Variants in CGNL1 observed in about 807,000 individuals in gnomAD.
CGNL1 encodes cingulin-like protein 1.
CGNL1 carries 132 observed loss-of-function variants against 141.2 expected under a neutral mutation model. The ratio of observed to expected loss-of-function variants is 0.93; its 90% CI spans 0.81 to 1.08. The LOEUF is 1.08. CGNL1 is among the 50% of genes least tolerant of loss of function. CGNL1 has a pLI of 0.00. For missense variants in CGNL1, 1,870 were observed against 1,588.6 expected, an observed-to-expected ratio of 1.18 and a Z score of -3.01; for synonymous variants, 690 against 622.1, an observed-to-expected ratio of 1.11 and a Z score of -1.63.
intron 8 of CGNL1, among the ~76,000 whole-genome samples, chr15:57,497,210 A>G (rs1361328411): frequency 1.2e-4 from 19 of 152,210 alleles, no homozygotes. Context: ...CACCAGTGAC[A>G]GCGTTGGTCC....
At position 57,383,929 on chromosome 15, in the gene CGNL1, G is replaced by A. The variant is rs930512723; in HGVS notation, c.-16+7362G>A. ...GCTGAGATTACAGGCGTGAGCCACC[G>A]TGCCCAGCCCAAACTTAAGATTTCT... On this transcript the variant is annotated intron_variant, in intron 1 of 18. Coordinates refer to ENST00000281282, the MANE Select transcript of CGNL1 (RefSeq NM_032866.5). Among the ~76,000 whole-genome samples the A allele has an allele frequency of 3.3e-5, 5 of 152,152 alleles. No individual in the cohort carries two copies. In the East Asian group the frequency reaches 5.8e-4, roughly 18 times the overall value.
At chr15:57,469,527 T>G (rs2063553274) in intron 8 of CGNL1, among the ~76,000 whole-genome samples, 2 of 151,924 alleles carry the variant, frequency 1.3e-5, no homozygotes, top group South Asian at 2.1e-4. Context: ...TTCATTTGAC[T>G]TAGTTAACAG....
At chr15:57,436,775 T>G (rs1366664615) in intron 1 of CGNL1, among the ~76,000 whole-genome samples, 1 of 152,064 alleles carries the variant, frequency 6.6e-6, no homozygotes, top group Non-Finnish European at 1.5e-5. Context: ...AGCTAGTTCT[T>G]TAGGGAAACA....
chr15:57,461,961 C>T (rs2063453301), intron 8 of CGNL1, 69 bp downstream of exon 8: 1 of 1,112,804 alleles, frequency 9.0e-7, no homozygotes, highest in Non-Finnish European at 1.4e-6. Flanking sequence ...TCCCACACCA[C>T]TGCAAATCCC....
At chr15:57,424,170 C>G (rs531877722) in intron 1 of CGNL1, among the ~76,000 whole-genome samples, 25 of 152,368 alleles carry the variant, frequency 1.6e-4, no homozygotes, top group African/African-American at 5.0e-4. Context: ...TGCCTTCCCA[C>G]TGATTCTTCG....
At chr15:57,393,996 A>G (rs2062571842) in intron 1 of CGNL1, 1 of 143,218 alleles carries the variant, frequency 7.0e-6, no homozygotes, top group Non-Finnish European at 1.5e-5. Context: ...TGGCACGATC[A>G]TGGTTCACTG....
At chr15:57,512,120 A>C (rs186028223) in intron 8 of CGNL1, among the ~76,000 whole-genome samples, 194 of 152,294 alleles carry the variant, frequency 1.3e-3, no homozygotes, top group African/African-American at 4.5e-3. Context: ...CATGAGACAC[A>C]AAGTCTCATC....
chr15:57,437,864 G>C, intron 1 of CGNL1, 121 bp from the exon 2 acceptor site: 1 of 1,013,168 alleles, frequency 9.9e-7, no homozygotes, highest in Non-Finnish European at 1.4e-6. Flanking sequence ...TGTCTTTGCT[G>C]TTTAAAATGT....
intron 1 of CGNL1, among the ~76,000 whole-genome samples, chr15:57,415,728 G>A (rs1411026155): frequency 3.3e-5 from 5 of 152,170 alleles, no homozygotes; most frequent in African/African-American, 9.7e-5. Context: ...TGCCTGGCAC[G>A]GGCCCAACGT....
chr15:57,454,928 T>C (rs1297792354), intron 7 of CGNL1, among the ~76,000 whole-genome samples: 3 of 152,080 alleles, frequency 2.0e-5, no homozygotes, highest in Non-Finnish European at 2.9e-5. Flanking sequence ...GACGTACACA[T>C]ACTTTCCTAA....
chr15:57,385,879 C>T (rs554271482), intron 1 of CGNL1, among the ~76,000 whole-genome samples: 26 of 152,234 alleles, frequency 1.7e-4, no homozygotes, highest in Admixed American at 1.5e-3. Flanking sequence ...CAGTCCCCCA[C>T]GGGAATTATC....
At chr15:57,403,217 CT>C (rs1441384970) in intron 1 of CGNL1, among the ~76,000 whole-genome samples, 1 of 152,202 alleles carries the variant, frequency 6.6e-6, no homozygotes, top group Non-Finnish European at 1.5e-5. Flanking sequence ...CAGCCTGCCC[CT>C]GACTCATGCT....
chr15:57,389,962 C>A (rs555815661), intron 1 of CGNL1, among the ~76,000 whole-genome samples: 1 of 152,108 alleles, frequency 6.6e-6, no homozygotes, highest in Non-Finnish European at 1.5e-5. Context: ...ATTACAGGCA[C>A]GTGCCACCAC....
intron 1 of CGNL1, among the ~76,000 whole-genome samples, chr15:57,421,870 G>C (rs2062918975): frequency 6.6e-6 from 1 of 152,126 alleles, no homozygotes; most frequent in Non-Finnish European, 1.5e-5. Context: ...GTGAGTGATT[G>C]TTCCCAGGCC....
At chr15:57,414,235 C>T (rs1194223288) in intron 1 of CGNL1, among the ~76,000 whole-genome samples, 9 of 152,132 alleles carry the variant, frequency 5.9e-5, no homozygotes, top group African/African-American at 9.7e-5. Flanking sequence ...CCTTTGGGCT[C>T]CCTGCATGTT....
In CGNL1 at chr15:57,550,257, C is replaced by T. The variant is rs2140275818; in HGVS notation, c.*2767C>T. 6.6e-6 allele frequency: 1 copy of T among 152,670 alleles called. No homozygotes were observed. The highest frequency in any genetic ancestry group is 1.9e-4 in the East Asian group (1 of 5,180). The allele number at this position is 152,670 out of a possible 1,614,324, so 9.5% of individuals were successfully genotyped here. On this transcript the variant is annotated 3_prime_UTR_variant, in exon 19 of 19. Transcript: ENST00000281282. Reference sequence around the variant, plus strand: ...TTTCAAGTCCCGGCTCATCTCACCCCAGTGACTTTGACAGTGTGCTCACTC... The same window carrying T: ...TTTCAAGTCCCGGCTCATCTCACCCTAGTGACTTTGACAGTGTGCTCACTC...
rs2033051470 is a variant in CGNL1 at position 57,550,180 on chromosome 15, C to T, written c.*2690C>T. 1 of 152,272 alleles carries T rather than the reference C, an allele frequency of 6.6e-6. No individual in the cohort carries two copies. The allele number at this position is 152,272 out of a possible 1,614,324, so 9.4% of individuals were successfully genotyped here. A position where few individuals can be genotyped will look rare whatever the true frequency, so the allele number is the denominator to read the frequency against. On this transcript the variant is annotated 3_prime_UTR_variant, in exon 19 of 19. Coordinates refer to ENST00000281282, the MANE Select transcript of CGNL1 (RefSeq NM_032866.5). ...CTACACTCTGAGGGAGTTGGCAACG[C>T]ATGCGGTATAGTGGAGTGGGAAGAG...
intron 1 of CGNL1, among the ~76,000 whole-genome samples, chr15:57,435,199 A>G (rs767885509): frequency 6.6e-6 from 1 of 152,146 alleles, no homozygotes; most frequent in Non-Finnish European, 1.5e-5. Flanking sequence ...AGACCATAGT[A>G]TATAATTTTT....
chr15:57,511,832 G>T (rs777489463), intron 8 of CGNL1, among the ~76,000 whole-genome samples: 2 of 152,164 alleles, frequency 1.3e-5, no homozygotes, highest in Non-Finnish European at 2.9e-5. Context: ...CTAAAATATT[G>T]AAATGCAAAT....
Sources: gnomAD v4.1 joint callset for allele counts (sites outside exome capture counted in the v4.1 genomes callset) on GRCh38, gnomAD v4.1.1 for gene constraint, MANE v1.5 for transcripts, NCBI Gene and HGNC (gene_info 2026-07-23, HGNC 2026-07-21) for gene names.